The following EIF2B3 variants were observed in gnomAD, a reference collection of about 807,000 sequenced individuals.
EIF2B3 encodes the protein translation initiation factor eIF2B subunit gamma.
A neutral mutation model predicts 54.1 loss-of-function variants in EIF2B3; 20 were observed. The ratio of observed to expected loss-of-function variants is 0.37; its 90% CI spans 0.26 to 0.54. EIF2B3 has a LOEUF of 0.54. Ranked by LOEUF, EIF2B3 falls within the 20% of genes least tolerant of loss-of-function variation. The probability of loss-of-function intolerance (pLI) is 0.86; values close to 1 mark genes in which losing one functional copy is unlikely to be tolerated. For synonymous variants in EIF2B3, 153 were observed against 188.1 expected (o/e 0.81, Z 1.52); for missense variants, 448 against 547.8 (o/e 0.82, Z 1.82).
intron 10 of EIF2B3, among the ~76,000 whole-genome samples, chr1:44,862,760 G>C (rs971227006): frequency 6.6e-6 from 1 of 152,054 alleles, no homozygotes; most frequent in Non-Finnish European, 1.5e-5. Context: ...ATCATGCCCG[G>C]CTAATTTTTT....
rs888022536 is a variant in EIF2B3 at position 44,874,672 on chromosome 1, A to T, written c.1202+6T>A. ...TTGCCTCAAGTGGGTACAGGGGGAA[A>T]CATACCCTTCCTCCACAGTGACTGA... On this transcript the variant is annotated splice_donor_region_variant and intron_variant, in intron 10 of 11. Coordinates refer to ENST00000360403, the MANE Select transcript of EIF2B3 (RefSeq NM_020365.5). 7 of 1,613,982 alleles carry T rather than the reference A, an allele frequency of 4.3e-6. No homozygotes were observed. In the African/African-American group the frequency reaches 9.3e-5, roughly 22 times the overall value.
At chr1:44,978,652 TTA>T (rs1644480351) in intron 2 of EIF2B3, among the ~76,000 whole-genome samples, 192 bp from the exon 3 acceptor site, 1 of 119,172 alleles carries the variant, frequency 8.4e-6, no homozygotes, top group Non-Finnish European at 1.7e-5. Context: ...TTTTTTTTTT[TTA>T]CAGACAGGGT....
chr1:44,975,953 C>T (rs1644448864), intron 3 of EIF2B3, among the ~76,000 whole-genome samples: 1 of 152,096 alleles, frequency 6.6e-6, no homozygotes, highest in Non-Finnish European at 1.5e-5. Context: ...GTGGAGATTG[C>T]ACCACTGCAC....
At chr1:44,981,465 A>G (rs2148965964) in intron 1 of EIF2B3, among the ~76,000 whole-genome samples, 1 of 152,294 alleles carries the variant, frequency 6.6e-6, no homozygotes, top group South Asian at 2.1e-4. Flanking sequence ...GTAAATCACA[A>G]TATATGTCAT....
At position 44,909,807 on chromosome 1, in the gene EIF2B3, T is replaced by A. The variant is rs115723092; in HGVS notation, c.567-12363A>T. ...AGGTATTTTGGGAATTAGGGCTGGT[T>A]AGGAGCAGCAGAGGTACTAACTTAC... is the stretch of plus-strand genomic sequence containing the variant. On this transcript the variant is annotated intron_variant, in intron 5 of 11. Transcript: ENST00000360403. 3.8e-3 allele frequency among the ~76,000 whole-genome samples: 573 copies of A among 152,262 alleles called. 5 individuals are homozygous for A. Among genetic ancestry groups the A allele is most frequent in the African/African-American group, 0.013 (543 of 41,560 alleles).
At chr1:44,852,278 T>G (rs1256599257) in intron 11 of EIF2B3, among the ~76,000 whole-genome samples, 2 of 151,988 alleles carry the variant, frequency 1.3e-5, no homozygotes, top group South Asian at 2.1e-4. Context: ...TTTATACCTT[T>G]GAACTTTGGC....
chr1:44,916,852 C>A (rs1324195262), intron 5 of EIF2B3, among the ~76,000 whole-genome samples: 1 of 150,994 alleles, frequency 6.6e-6, no homozygotes, highest in Admixed American at 6.6e-5. Context: ...GCTCAGGGCT[C>A]ATATGTCATA....
chr1:44,927,421 A>C (rs1261607493), intron 4 of EIF2B3, among the ~76,000 whole-genome samples: 1 of 152,032 alleles, frequency 6.6e-6, no homozygotes, highest in Non-Finnish European at 1.5e-5. Flanking sequence ...ACACCTTTAA[A>C]TGAGAACTCA....
At chr1:44,978,621 CTTTTTTTTTTTTTTTTTTTTT>C (rs57964686) in intron 2 of EIF2B3, among the ~76,000 whole-genome samples, 161 bp from the exon 3 acceptor site, 1 of 76,634 alleles carries the variant, frequency 1.3e-5, no homozygotes, top group Non-Finnish European at 2.3e-5. Context: ...CCAATAAATT[CTTTTTTTTTTTTTTTTTTTTT>C]TTTTTTTTTT....
At chr1:44,975,385 T>C (rs577551267) in intron 3 of EIF2B3, among the ~76,000 whole-genome samples, 26 of 151,770 alleles carry the variant, frequency 1.7e-4, no homozygotes, top group African/African-American at 6.3e-4. Flanking sequence ...GCGAACATCA[T>C]AGAATGTACT....
chr1:44,951,232 C>G (rs909071888), intron 3 of EIF2B3, among the ~76,000 whole-genome samples: 5 of 152,164 alleles, frequency 3.3e-5, no homozygotes, highest in South Asian at 2.1e-4. Context: ...TCATGTGACA[C>G]ACATATATTG....
At position 44,879,967 on chromosome 1, in the gene EIF2B3, CCAGGTT is replaced by C; in HGVS notation, c.820_825del (p.Asn274_Leu275del). 6.2e-7 allele frequency: 1 copy of C among 1,614,158 alleles called. No individual in the cohort carries two copies. The highest frequency in any genetic ancestry group is 8.5e-7 in the Non-Finnish European group (1 of 1,180,028). ...GCATTCCAGCAGGCATCATAGGGAGCCAGGTTCAGTGTATTGGCTTCTTTTATAAAA... is the reference window on the plus strand; with the variant it reads ...GCATTCCAGCAGGCATCATAGGGAGCCAGTGTATTGGCTTCTTTTATAAAA... On this transcript the variant is annotated inframe_deletion, in exon 8 of 12. Transcript: ENST00000360403.
chr1:44,943,106 C>T (rs1644055623), intron 3 of EIF2B3, among the ~76,000 whole-genome samples: 1 of 152,022 alleles, frequency 6.6e-6, no homozygotes, highest in Admixed American at 6.6e-5. Context: ...ATCCACCTGC[C>T]TTGGCCTCCC....
chr1:44,913,545 C>T (rs1643559069), intron 5 of EIF2B3, among the ~76,000 whole-genome samples: 1 of 152,082 alleles, frequency 6.6e-6, no homozygotes. Flanking sequence ...CACTCTGTCA[C>T]CCAGGCTAGA....
At chr1:44,980,509 C>G (rs964033156) in intron 2 of EIF2B3, among the ~76,000 whole-genome samples, 27 of 152,006 alleles carry the variant, frequency 1.8e-4, no homozygotes, top group African/African-American at 6.0e-4. Context: ...GTCTCCTATT[C>G]CTTTTCCTAC....
chr1:44,863,881 T>C (rs1290431403), intron 10 of EIF2B3, among the ~76,000 whole-genome samples: 1 of 152,206 alleles, frequency 6.6e-6, no homozygotes, highest in Non-Finnish European at 1.5e-5. Context: ...ATGATATATA[T>C]AATACTTGAA....
intron 5 of EIF2B3, among the ~76,000 whole-genome samples, chr1:44,923,318 T>C (rs151273684): frequency 1.3e-5 from 2 of 152,364 alleles, no homozygotes; most frequent in East Asian, 1.9e-4. Context: ...AATAGATGCA[T>C]GGAAAACAAA....
Position 44,926,201 on chromosome 1 carries a change from C to T in EIF2B3, c.566+427G>A, listed in dbSNP as rs994311053. Among the ~76,000 whole-genome samples, 3 of 152,256 alleles carry T rather than the reference C, an allele frequency of 2.0e-5. No homozygotes were observed. The East Asian group carries it at 5.8e-4, about 29-fold the overall frequency. On this transcript the variant is annotated intron_variant, in intron 5 of 11. Transcript: ENST00000360403. ...CAAGATTGCACCACTGTACTCCAGC[C>T]TGGGTGACAGAGTGAGACTCAGTCT...
chr1:44,926,547 T>G, intron 5 of EIF2B3, 81 bp downstream of exon 5: 2 of 1,097,776 alleles, frequency 1.8e-6, no homozygotes, highest in Non-Finnish European at 2.8e-6. Context: ...TAGTTTTCAT[T>G]CCCTCTTTCC....
Sources: gnomAD v4.1 joint callset for allele counts (sites outside exome capture counted in the v4.1 genomes callset) on GRCh38, gnomAD v4.1.1 for gene constraint, MANE v1.5 for transcripts, NCBI Gene and HGNC (gene_info 2026-07-23, HGNC 2026-07-21) for gene names.